Variants in MYO16 observed in about 807,000 individuals in gnomAD.
The protein encoded by MYO16 is myosin XVI.
Under a neutral mutation model 205.3 loss-of-function variants are expected in MYO16, and 94 were observed. The ratio of observed to expected loss-of-function variants is 0.46; its 90% CI spans 0.39 to 0.54. The LOEUF is 0.54. MYO16 is among the 20% of genes least tolerant of loss of function. The pLI is 0.00. For synonymous variants in MYO16, 988 were observed against 954.0 expected (o/e 1.04, Z -0.66); for missense variants, 2,315 against 2,387.5 (o/e 0.97, Z 0.63).
rs201344332 is a variant in MYO16 at position 108,907,096 on chromosome 13, GA to G, written c.1778-2906del. 1.7e-3 allele frequency among the ~76,000 whole-genome samples: 261 copies of G among 152,292 alleles called. 7 individuals are homozygous for G. In the East Asian group the frequency reaches 0.045, roughly 27 times the overall value. On this transcript the variant is annotated intron_variant, in intron 15 of 34. Coordinates refer to ENST00000457511, the MANE Select transcript of MYO16 (RefSeq NM_001198950.3). ...GTCGTGTACCCATAACTAGATGGGTGAGACATGGTGAGAGTGGGTGTTGGAA... is the reference window on the plus strand; with the variant it reads ...GTCGTGTACCCATAACTAGATGGGTGGACATGGTGAGAGTGGGTGTTGGAA...
chr13:108,986,871 C>T (rs573189712), intron 20 of MYO16, among the ~76,000 whole-genome samples: 9 of 152,112 alleles, frequency 5.9e-5, no homozygotes, highest in Non-Finnish European at 1.3e-4. Context: ...CTTCATAGAA[C>T]TTACAGACAC....
At chr13:109,183,403 G>T (rs1879539626) in intron 34 of MYO16, among the ~76,000 whole-genome samples, 2 of 152,248 alleles carry the variant, frequency 1.3e-5, no homozygotes, top group African/African-American at 4.8e-5. Flanking sequence ...AAGGCAGAAT[G>T]ATGGCAGAAG....
chr13:109,018,443 C>T (rs1885904981), intron 22 of MYO16, among the ~76,000 whole-genome samples: 1 of 152,176 alleles, frequency 6.6e-6, no homozygotes, highest in South Asian at 2.1e-4. Context: ...ACATGGGGGT[C>T]AGGGACCCAC....
At chr13:108,953,396 A>G (rs967006466) in intron 16 of MYO16, among the ~76,000 whole-genome samples, 1 of 152,234 alleles carries the variant, frequency 6.6e-6, no homozygotes, top group African/African-American at 2.4e-5. Flanking sequence ...TCTGGGAAAT[A>G]CTCACATTCT....
intron 20 of MYO16, among the ~76,000 whole-genome samples, chr13:108,967,054 A>G (rs1883819675): frequency 6.6e-6 from 1 of 152,128 alleles, no homozygotes; most frequent in Admixed American, 6.5e-5. Flanking sequence ...TACTGTATAT[A>G]TATATACACA....
chr13:108,840,513 T>C (rs1877189189), intron 9 of MYO16, among the ~76,000 whole-genome samples: 1 of 152,192 alleles, frequency 6.6e-6, no homozygotes, highest in Non-Finnish European at 1.5e-5. Context: ...TAAATGGAAA[T>C]TGGAATTTTA....
chr13:108,736,268 A>G (rs1884694489), intron 4 of MYO16, among the ~76,000 whole-genome samples: 1 of 152,118 alleles, frequency 6.6e-6, no homozygotes, highest in Non-Finnish European at 1.5e-5. Context: ...TAGGGTTTTT[A>G]TGGTTTTAGG....
At chr13:108,806,218 C>A (rs1887109255) in intron 6 of MYO16, among the ~76,000 whole-genome samples, 1 of 152,144 alleles carries the variant, frequency 6.6e-6, no homozygotes. Flanking sequence ...TGTTTCTGTG[C>A]CTTTTACACA....
At chr13:109,047,019 A>G (rs1444012028) in intron 24 of MYO16, 28 bp downstream of exon 24, 2 of 1,489,226 alleles carry the variant, frequency 1.3e-6, no homozygotes, top group Non-Finnish European at 9.3e-7. Flanking sequence ...CCTGCCCTAC[A>G]CTGGTTAAAA....
chr13:109,118,263 G>A (rs1486974925), intron 28 of MYO16, among the ~76,000 whole-genome samples: 2 of 152,114 alleles, frequency 1.3e-5, no homozygotes, highest in Admixed American at 1.3e-4. Context: ...ACCTTCCCCA[G>A]TACACTATGT....
chr13:108,505,127 G>C, the MYO16 span, among the ~76,000 whole-genome samples: 1 of 152,154 alleles, frequency 6.6e-6, no homozygotes, highest in Admixed American at 6.5e-5. Context: ...GGGTGTGCAA[G>C]TATCTCTTCA....
At chr13:108,780,141 G>A (rs989360387) in intron 4 of MYO16, 2 of 152,014 alleles carry the variant, frequency 1.3e-5, no homozygotes, top group African/African-American at 2.4e-5. Context: ...TTCATTTTTT[G>A]TTTAGCCAAA....
In MYO16 at chr13:109,202,187, T is replaced by C. The variant is rs112531178; in HGVS notation, c.5416-4422T>C. Reference sequence around the variant, plus strand: ...CATGCATGTGCACGTATTTTTTTTGTATAATGACTTACTTTCCTCTGGGTA... The same window carrying C: ...CATGCATGTGCACGTATTTTTTTTGCATAATGACTTACTTTCCTCTGGGTA... On this transcript the variant is annotated intron_variant, in intron 34 of 34. Coordinates refer to ENST00000457511, the MANE Select transcript of MYO16 (RefSeq NM_001198950.3). 5.4e-3 allele frequency among the ~76,000 whole-genome samples: 824 copies of C among 151,422 alleles called. 9 individuals carry two copies. Among genetic ancestry groups the C allele is most frequent in the African/African-American group, 0.019 (763 of 40,986 alleles).
chr13:109,066,206 A>G (rs1887743735), intron 27 of MYO16, among the ~76,000 whole-genome samples: 1 of 152,182 alleles, frequency 6.6e-6, no homozygotes, highest in Non-Finnish European at 1.5e-5. Flanking sequence ...GACCCTCGCT[A>G]GAGAAACAGC....
chr13:108,753,370 C>CAAAA (rs534466420), intron 4 of MYO16, among the ~76,000 whole-genome samples: 5 of 111,778 alleles, frequency 4.5e-5, no homozygotes, highest in African/African-American at 1.9e-4. Context: ...AACTCTGTGA[C>CAAAA]AAAAAAAAAA....
intron 1 of MYO16, among the ~76,000 whole-genome samples, chr13:108,615,424 C>T (rs1056714932): frequency 5.3e-5 from 8 of 152,146 alleles, no homozygotes; most frequent in South Asian, 2.1e-4. Context: ...AGTGTTATCA[C>T]GTGATCCAGA....
At chr13:108,830,721 G>A (rs373005) in intron 9 of MYO16, among the ~76,000 whole-genome samples, 1 of 150,942 alleles carries the variant, frequency 6.6e-6, no homozygotes, top group South Asian at 2.1e-4. Flanking sequence ...GTAACTAACC[G>A]GCCCATTGTG....
Position 108,973,647 on chromosome 13 carries a change from G to T in MYO16, c.2369+8745G>T, listed in dbSNP as rs144401326. On this transcript the variant is annotated intron_variant, in intron 20 of 34. Coordinates refer to ENST00000457511, the MANE Select transcript of MYO16 (RefSeq NM_001198950.3). ...AGCTTCCTAGGGTCTCAAAACTAGT[G>T]ACTCCACTCAGAAAAGAGAAAAAAG... is the stretch of plus-strand genomic sequence containing the variant. 3.1e-4 allele frequency among the ~76,000 whole-genome samples: 47 copies of T among 152,150 alleles called. 1 individual carries two copies. Among genetic ancestry groups the T allele is most frequent in the African/African-American group, 1.1e-3 (45 of 41,498 alleles).
chr13:108,815,072 A>G (rs981080955), intron 7 of MYO16, among the ~76,000 whole-genome samples: 1 of 152,216 alleles, frequency 6.6e-6, no homozygotes, highest in Non-Finnish European at 1.5e-5. Flanking sequence ...TACAAGCATA[A>G]CATAGATAGT....
Sources: allele counts gnomAD v4.1 joint callset (sites outside exome capture counted in the v4.1 genomes callset), GRCh38; gene constraint gnomAD v4.1.1; transcripts MANE v1.5; gene names NCBI Gene and HGNC (gene_info 2026-07-23, HGNC 2026-07-21).